CNTLN: variants seen among roughly 807,000 people sequenced by gnomAD.
CNTLN encodes the protein centlein, also known as centlein, centrosomal protein.
A neutral mutation model predicts 180.0 loss-of-function variants in CNTLN; 212 were observed. That is an observed-to-expected ratio of 1.18 (90% CI 1.05 to 1.32). The LOEUF (loss-of-function observed/expected upper bound fraction) is 1.32. CNTLN is among the 40% of genes most tolerant of loss of function. The probability of loss-of-function intolerance (pLI) is 0.00; values close to 1 mark genes in which losing one functional copy is unlikely to be tolerated. For missense variants in CNTLN, 2,095 were observed against 1,610.9 expected, an observed-to-expected ratio of 1.30 and a Z score of -5.14; for synonymous variants, 722 against 563.1, an observed-to-expected ratio of 1.28 and a Z score of -3.99.
intron 3 of CNTLN, among the ~76,000 whole-genome samples, chr9:17,233,002 T>C (rs1177007709): frequency 1.3e-5 from 2 of 151,380 alleles, no homozygotes; most frequent in East Asian, 3.9e-4. Context: ...ACAGAAAAGT[T>C]AAAAACTGAG....
At chr9:17,395,455 C>G (rs1826445591) in intron 15 of CNTLN, among the ~76,000 whole-genome samples, 1 of 152,172 alleles carries the variant, frequency 6.6e-6, no homozygotes, top group Admixed American at 6.5e-5. Context: ...GTTTAGTTAT[C>G]TTGTGACATA....
At chr9:17,248,803 G>A (rs1825955062) in intron 5 of CNTLN, among the ~76,000 whole-genome samples, 1 of 151,530 alleles carries the variant, frequency 6.6e-6, no homozygotes, top group Non-Finnish European at 1.5e-5. Flanking sequence ...GATTGAGTCA[G>A]TAACAAAAAG....
At chr9:17,138,574 A>T (rs1347999592) in intron 1 of CNTLN, among the ~76,000 whole-genome samples, 1 of 152,212 alleles carries the variant, frequency 6.6e-6, no homozygotes, top group Non-Finnish European at 1.5e-5. Flanking sequence ...GTGTAATTCC[A>T]CCAGTTGTTT....
At chr9:17,264,957 T>C (rs1258277524) in intron 5 of CNTLN, among the ~76,000 whole-genome samples, 2 of 145,440 alleles carry the variant, frequency 1.4e-5, no homozygotes, top group African/African-American at 2.6e-5. Flanking sequence ...CAATGGGGTT[T>C]TCTAGATATA....
At chr9:17,199,998 C>T (rs985402104) in intron 2 of CNTLN, among the ~76,000 whole-genome samples, 4 of 151,988 alleles carry the variant, frequency 2.6e-5, no homozygotes, top group Non-Finnish European at 5.9e-5. Flanking sequence ...TTAATCCATC[C>T]TGAGTTAATT....
At chr9:17,263,948 T>C (rs796412769) in intron 5 of CNTLN, among the ~76,000 whole-genome samples, 2 of 143,356 alleles carry the variant, frequency 1.4e-5, no homozygotes. Flanking sequence ...TATTAGCCCT[T>C]TGTCAGATGA....
intron 2 of CNTLN, among the ~76,000 whole-genome samples, chr9:17,214,594 G>A (rs934752986): frequency 8.5e-5 from 13 of 152,138 alleles, no homozygotes; most frequent in African/African-American, 3.1e-4. Flanking sequence ...GAATTTGAAT[G>A]TTGGCCTGCC....
At chr9:17,471,635 A>G (rs566775017) in intron 23 of CNTLN, among the ~76,000 whole-genome samples, 2 of 152,232 alleles carry the variant, frequency 1.3e-5, no homozygotes, top group Non-Finnish European at 2.9e-5. Flanking sequence ...GCTATGGATC[A>G]TTATTCCACT....
Position 17,416,253 on chromosome 9 carries a change from C to T in CNTLN, c.3114+64C>T, listed in dbSNP as rs894258907. 23 of 1,348,482 alleles carry T rather than the reference C, an allele frequency of 1.7e-5. No homozygotes were observed. In the African/African-American group the frequency reaches 2.1e-4, roughly 12 times the overall value. 83.5% of individuals were successfully genotyped at this position (1,348,482 alleles called of 1,614,324 possible). A position where few individuals can be genotyped will look rare whatever the true frequency, so the allele number is the denominator to read the frequency against. ...TTGTAAAAGTGGATATTTTGTTTTA[C>T]ATGTATTATTTAGTTTATATTTGTG... On this transcript the variant is annotated intron_variant, in intron 18 of 25. Coordinates refer to ENST00000380647, the MANE Select transcript of CNTLN (RefSeq NM_017738.4).
At chr9:17,143,807 T>C (rs17827290) in intron 2 of CNTLN, among the ~76,000 whole-genome samples, 1,923 of 152,308 alleles carry the variant, frequency 0.013, 16 homozygotes, top group Non-Finnish European at 0.02. Context: ...CTTGCCAGTG[T>C]AGAGTAAGTG....
chr9:17,346,391 C>T (rs181167389), intron 12 of CNTLN, among the ~76,000 whole-genome samples: 1 of 152,236 alleles, frequency 6.6e-6, no homozygotes, highest in East Asian at 1.9e-4. Flanking sequence ...CTAGGTCTCT[C>T]CCTGAACACC....
At chr9:17,351,788 G>C (rs147908852) in intron 12 of CNTLN, among the ~76,000 whole-genome samples, 1 of 152,208 alleles carries the variant, frequency 6.6e-6, no homozygotes, top group South Asian at 2.1e-4. Context: ...ATAGTTCTGA[G>C]AATGTCTCTC....
rs78008184 is a variant in CNTLN at position 17,441,158 on chromosome 9, A to G, written c.3115-16366A>G. 6.5e-3 allele frequency among the ~76,000 whole-genome samples: 990 copies of G among 152,354 alleles called. 4 individuals carry two copies. Among genetic ancestry groups the G allele is most frequent in the Middle Eastern group, 0.014 (4 of 294 alleles). On this transcript the variant is annotated intron_variant, in intron 18 of 25. Transcript: ENST00000380647. ...AAAGTGAAAGAGACTTTCCCAGACA[A>G]ACAAAAGTAGAGGGACTTCATCACC...
At chr9:17,508,556 C>T (rs899396535), downstream of CNTLN, among the ~76,000 whole-genome samples, 6 of 152,108 alleles carry the variant, frequency 3.9e-5, no homozygotes, top group African/African-American at 2.4e-5. Context: ...CTCATGTTAC[C>T]CCTTAGCACT....
intron 2 of CNTLN, among the ~76,000 whole-genome samples, chr9:17,152,200 TAGCTTTTGAATTTG>T (rs1409541259): frequency 6.6e-6 from 1 of 152,220 alleles, no homozygotes; most frequent in Non-Finnish European, 1.5e-5. Flanking sequence ...TGTCTTCTGC[TAGCTTTTGAATTTG>T]TTTGCTGTTG....
rs999330294 is a variant in CNTLN, at chr9:17,502,744, C to T, written c.*92C>T. ...TTGCAATCCTGACACGGTATCTGCT[C>T]CAACTATCAATAGTCAGGTTCAATA... On this transcript the variant is annotated 3_prime_UTR_variant, in exon 26 of 26. Transcript: ENST00000380647. 2.3e-5 allele frequency: 11 copies of T among 475,550 alleles called. No individual in the cohort carries two copies. The highest frequency in any genetic ancestry group is 3.8e-5 in the Non-Finnish European group (10 of 265,508). 29.5% of individuals were successfully genotyped at this position (475,550 alleles called of 1,614,324 possible). A position where few individuals can be genotyped will look rare whatever the true frequency, so the allele number is the denominator to read the frequency against.
chr9:17,300,974 C>T, intron 7 of CNTLN: 2 of 982,252 alleles, frequency 2.0e-6, no homozygotes, highest in South Asian at 4.7e-5. Flanking sequence ...TGATAGCAGA[C>T]ATTAAATGGT....
rs186095432 is a variant in CNTLN, at chr9:17,135,921, G to T, written c.360+496G>T. Among the ~76,000 whole-genome samples the T allele has an allele frequency of 3.3e-4, 51 of 152,296 alleles. 1 individual carries two copies. Among genetic ancestry groups the T allele is most frequent in the African/African-American group, 1.2e-3 (50 of 41,560 alleles). On this transcript the variant is annotated intron_variant, in intron 1 of 25. Transcript: ENST00000380647. ...TCAAACTTAAGTTGTAAACACAGAC[G>T]AGTAACGTTTAGAAAGTCTCAGAGC...
chr9:17,278,105 G>A (rs1356464497), intron 6 of CNTLN, among the ~76,000 whole-genome samples: 1 of 152,070 alleles, frequency 6.6e-6, no homozygotes, highest in Non-Finnish European at 1.5e-5. Flanking sequence ...AGTGAGCTGG[G>A]TAAATAAATA....
Sources: gnomAD v4.1 joint callset for allele counts (sites outside exome capture counted in the v4.1 genomes callset) on GRCh38, gnomAD v4.1.1 for gene constraint, MANE v1.5 for transcripts, NCBI Gene and HGNC (gene_info 2026-07-23, HGNC 2026-07-21) for gene names.